The following CRYBA4 variants were observed in gnomAD, a reference collection of about 807,000 sequenced individuals.
CRYBA4 encodes the protein crystallin beta A4, also known as beta-crystallin A4.
A neutral mutation model predicts 31.7 loss-of-function variants in CRYBA4; 30 were observed. The observed-to-expected ratio is 0.95, with a 90% confidence interval of 0.71 to 1.28. The LOEUF is 1.28. Among genes scored for constraint, CRYBA4 ranks in the 50% most tolerant of loss-of-function variants. The pLI, the probability that CRYBA4 is intolerant of heterozygous loss-of-function variation, is 0.00. For missense variants in CRYBA4, 225 were observed against 260.7 expected, an observed-to-expected ratio of 0.86 and a Z score of 0.94; for synonymous variants, 102 against 102.3, an observed-to-expected ratio of 1.00 and a Z score of 0.02.
chr22:26,618,266 C>A (rs544591657), upstream of CRYBA4, among the ~76,000 whole-genome samples: 3 of 152,200 alleles, frequency 2.0e-5, no homozygotes, highest in Admixed American at 1.3e-4. Context: ...TTCTCAACAA[C>A]CCCAGCCAGG....
At chr22:26,625,103 C>T (rs1050595107) in intron 3 of CRYBA4, among the ~76,000 whole-genome samples, 5 of 152,294 alleles carry the variant, frequency 3.3e-5, no homozygotes, top group East Asian at 3.9e-4. Flanking sequence ...TGGACACGGA[C>T]GGAGGAGCAA....
intron 5 of CRYBA4, among the ~76,000 whole-genome samples, chr22:26,628,819 T>A (rs1929830522): frequency 6.6e-6 from 1 of 152,120 alleles, no homozygotes; most frequent in Non-Finnish European, 1.5e-5. Flanking sequence ...AAAGACAGTG[T>A]CCAGGCTCAG....
chr22:26,603,092 C>T, the CRYBA4 span, among the ~76,000 whole-genome samples: 3 of 139,170 alleles, frequency 2.2e-5, no homozygotes, highest in East Asian at 6.4e-4. Context: ...GCCACTTGCA[C>T]ACCAACCTGG....
At chr22:26,606,184 T>C in the CRYBA4 span, among the ~76,000 whole-genome samples, 5 of 152,122 alleles carry the variant, frequency 3.3e-5, no homozygotes, top group African/African-American at 1.2e-4. Context: ...TTAGAGGGCA[T>C]AGAAAAGATA....
Position 26,623,279 on chromosome 22 carries a change from T to C in CRYBA4, c.85T>C (p.Phe29Leu), listed in dbSNP as rs149551651. 6.2e-6 allele frequency: 10 copies of C among 1,613,814 alleles called. No individual in the cohort carries two copies. The highest frequency in any genetic ancestry group is 8.5e-6 in the Non-Finnish European group (10 of 1,179,966). The change falls in exon 3 of 6, where the codon TTC becomes CTC. Residue 29 changes from phenylalanine (F) to leucine (L), a missense_variant. Physicochemically the swap from Phe to Leu is conservative, Grantham distance 22. Transcript: ENST00000354760. ...CGGCTTCCAGGGCCGGCGGCACGAGTTCACGGCCGAGTGCCCCAGCGTGCT... is the reference window on the plus strand; with the variant it reads ...CGGCTTCCAGGGCCGGCGGCACGAGCTCACGGCCGAGTGCCCCAGCGTGCT... ...EDGFQGRRHE[F>L]TAECPSVLEL...
intron 2 of CRYBA4, 41 bp downstream of exon 2, chr22:26,622,676 G>A (rs1307285446): frequency 2.9e-6 from 4 of 1,400,564 alleles, no homozygotes; most frequent in Non-Finnish European, 4.1e-6. Flanking sequence ...GGGGGTATGG[G>A]GAGGGTTCAG....
At position 26,627,505 on chromosome 22, in the gene CRYBA4, TTTC is replaced by T. The variant is rs1199756401; in HGVS notation, c.301-780_301-778del. Among the ~76,000 whole-genome samples the T allele has an allele frequency of 6.4e-4, 52 of 81,040 alleles. 1 individual carries two copies. Among genetic ancestry groups the T allele is most frequent in the East Asian group, 4.2e-3 (8 of 1,896 alleles). The allele number at this position is 81,040 out of a possible 152,430, so 53.2% of individuals were successfully genotyped here. A position where few individuals can be genotyped will look rare whatever the true frequency, so the allele number is the denominator to read the frequency against. On this transcript the variant is annotated intron_variant, in intron 4 of 5. Coordinates refer to ENST00000354760, the MANE Select transcript of CRYBA4 (RefSeq NM_001886.3). ...TTCTTTCCTTTTCTTTCTTTCTTTC[TTTC>T]TTTCTTTCTTTCTTTCTCTTTCTTT...
At chr22:26,602,664 T>C in the CRYBA4 span, among the ~76,000 whole-genome samples, 5 of 152,296 alleles carry the variant, frequency 3.3e-5, no homozygotes, top group East Asian at 7.7e-4. Context: ...TCAAGCTTAT[T>C]GATCAACATC....
intron 3 of CRYBA4, 104 bp downstream of exon 3, chr22:26,623,456 C>G (rs1248448607): frequency 1.1e-6 from 1 of 889,478 alleles, no homozygotes; most frequent in Non-Finnish European, 1.8e-6. Context: ...TCCCTAGGCT[C>G]TTACTGTTGT....
intron 1 of CRYBA4, 60 bp downstream of exon 1, chr22:26,622,046 C>T (rs78238497): frequency 0.05 from 46,125 of 929,064 alleles, 1,238 homozygotes; most frequent in East Asian, 0.1. Context: ...TTCTGGGAGG[C>T]GAGGAACCCA....
chr22:26,592,409 G>A, the CRYBA4 span, among the ~76,000 whole-genome samples: 1 of 152,364 alleles, frequency 6.6e-6, no homozygotes, highest in Admixed American at 6.5e-5. Flanking sequence ...TAACTGATGA[G>A]GCAGGAGCAG....
the CRYBA4 span, among the ~76,000 whole-genome samples, chr22:26,615,045 T>C: frequency 6.6e-6 from 1 of 152,180 alleles, no homozygotes; most frequent in East Asian, 1.9e-4. Flanking sequence ...GGCTTTTATA[T>C]GGGTGGTGGG....
At chr22:26,607,846 C>A in the CRYBA4 span, 1 of 1,613,764 alleles carries the variant, frequency 6.2e-7, no homozygotes, top group African/African-American at 1.3e-5. Flanking sequence ...CCTGCCCTGC[C>A]CCGCCTGGCT....
chr22:26,619,389 G>A (rs1268123951), upstream of CRYBA4, among the ~76,000 whole-genome samples: 1 of 152,186 alleles, frequency 6.6e-6, no homozygotes, highest in South Asian at 2.1e-4. Context: ...CGAGGCCCAG[G>A]TGGAACAAAT....
chr22:26,621,039 C>T (rs1423335200), upstream of CRYBA4, among the ~76,000 whole-genome samples: 1 of 152,154 alleles, frequency 6.6e-6, no homozygotes, highest in East Asian at 1.9e-4. Context: ...TTTTCCTATG[C>T]TTGTTACACC....
the CRYBA4 span, among the ~76,000 whole-genome samples, chr22:26,609,199 A>T: frequency 0.014 from 2,078 of 152,320 alleles, 21 homozygotes; most frequent in Non-Finnish European, 0.021. Context: ...GGAGACAAGG[A>T]TGATGGGCTA....
At chr22:26,603,565 T>G in the CRYBA4 span, among the ~76,000 whole-genome samples, 1 of 151,048 alleles carries the variant, frequency 6.6e-6, no homozygotes, top group African/African-American at 2.4e-5. Context: ...TTACTATTGC[T>G]TCGTGGGATT....
At position 26,627,391 on chromosome 22, in the gene CRYBA4, T is replaced by C. The variant is rs1243733188; in HGVS notation, c.301-897T>C. ...TTCTTTCTTTCTTTCTTTCTTTCTT[T>C]CTTTCTTTCTTTCTTTCTTTCTTTC... is the stretch of plus-strand genomic sequence containing the variant. On this transcript the variant is annotated intron_variant, in intron 4 of 5. Coordinates refer to ENST00000354760, the MANE Select transcript of CRYBA4 (RefSeq NM_001886.3). Among the ~76,000 whole-genome samples the C allele has an allele frequency of 3.6e-4, 30 of 83,188 alleles. 1 individual carries two copies. The highest frequency in any genetic ancestry group is 2.4e-3 in the African/African-American group (28 of 11,594). The allele number at this position is 83,188 out of a possible 152,430, so 54.6% of individuals were successfully genotyped here.
the CRYBA4 span, among the ~76,000 whole-genome samples, chr22:26,593,688 G>T: frequency 6.6e-6 from 1 of 151,904 alleles, no homozygotes. Context: ...AATATGCCTG[G>T]CTAATTTTTG....
Sources: gnomAD v4.1 joint callset for allele counts (sites outside exome capture counted in the v4.1 genomes callset) on GRCh38, gnomAD v4.1.1 for gene constraint, MANE v1.5 for transcripts, NCBI Gene and HGNC (gene_info 2026-07-23, HGNC 2026-07-21) for gene names.